Variants in IER3IP1 observed in about 807,000 individuals in gnomAD.
IER3IP1 encodes immediate early response 3 interacting protein 1.
IER3IP1 carries 16 observed loss-of-function variants against 12.2 expected under a neutral mutation model. The observed-to-expected ratio is 1.31, with a 90% CI of 0.89 to 1.99. The LOEUF (loss-of-function observed/expected upper bound fraction) is 1.99, where lower values mean the gene tolerates loss of function less well. IER3IP1 is among the 30% of genes most tolerant of loss of function. IER3IP1 has a pLI of 0.00. For synonymous variants in IER3IP1, 42 were observed against 40.0 expected (o/e 1.05, Z -0.19); for missense variants, 95 against 95.8 (o/e 0.99, Z 0.03).
intron 1 of IER3IP1, among the ~76,000 whole-genome samples, chr18:47,175,245 A>C (rs2064028574): frequency 6.6e-6 from 1 of 152,270 alleles, no homozygotes; most frequent in East Asian, 1.9e-4. Context: ...GAATTTCTAA[A>C]TTCTAGCAGA....
intron 1 of IER3IP1, among the ~76,000 whole-genome samples, chr18:47,169,267 T>C (rs1395691093): frequency 1.3e-5 from 2 of 152,262 alleles, no homozygotes; most frequent in African/African-American, 4.8e-5. Context: ...TAGTGTGTAA[T>C]AATACTTCAT....
At chr18:47,162,236 T>C (rs747392821) in intron 1 of IER3IP1, among the ~76,000 whole-genome samples, 5 of 152,132 alleles carry the variant, frequency 3.3e-5, no homozygotes, top group African/African-American at 7.2e-5. Context: ...ATACTGACAT[T>C]TGGGGGCCTC....
chr18:47,175,978 C>A (rs1383791987), intron 1 of IER3IP1, among the ~76,000 whole-genome samples: 1 of 152,182 alleles, frequency 6.6e-6, no homozygotes, highest in East Asian at 1.9e-4. Flanking sequence ...CCCCAACCCC[C>A]TGGGCCCTGC....
intron 2 of IER3IP1, among the ~76,000 whole-genome samples, chr18:47,156,578 T>TCA (rs1262253457): frequency 6.6e-6 from 1 of 152,160 alleles, no homozygotes; most frequent in Non-Finnish European, 1.5e-5. Context: ...ATTAGAAATA[T>TCA]AGTGCATAGA....
intron 2 of IER3IP1, among the ~76,000 whole-genome samples, chr18:47,156,440 G>A (rs1882807727): frequency 6.9e-6 from 1 of 144,280 alleles, no homozygotes; most frequent in African/African-American, 2.4e-5. Flanking sequence ...ATAACTGGGA[G>A]TAAGGGTTGC....
At chr18:47,156,929 C>G (rs2635041) in intron 2 of IER3IP1, 69,922 of 156,796 alleles carry the variant, frequency 0.45, 15,759 homozygotes, top group Middle Eastern at 0.56. Flanking sequence ...TCCCAAATAG[C>G]TAGGATTACA....
At chr18:47,168,143 AAAAAAAAAAAAAT>A (rs1262728581) in intron 1 of IER3IP1, among the ~76,000 whole-genome samples, 6 of 143,732 alleles carry the variant, frequency 4.2e-5, no homozygotes, top group East Asian at 2.0e-4. Flanking sequence ...AAAAAAAAAA[AAAAAAAAAAAAAT>A]TTTAGCTAGG....
At chr18:47,167,267 T>C (rs2063999074) in intron 1 of IER3IP1, among the ~76,000 whole-genome samples, 1 of 152,052 alleles carries the variant, frequency 6.6e-6, no homozygotes, top group East Asian at 1.9e-4. Context: ...GCCAGGCTGG[T>C]CTCGAACTCC....
At chr18:47,174,212 G>C (rs2064023961) in intron 1 of IER3IP1, among the ~76,000 whole-genome samples, 1 of 152,110 alleles carries the variant, frequency 6.6e-6, no homozygotes, top group Non-Finnish European at 1.5e-5. Flanking sequence ...CTTTCTACCT[G>C]TGTGTTCTTA....
chr18:47,165,310 C>T (rs781440538), intron 1 of IER3IP1, among the ~76,000 whole-genome samples: 4 of 152,090 alleles, frequency 2.6e-5, no homozygotes, highest in African/African-American at 4.8e-5. Context: ...CTCAGCACTT[C>T]GGGAGGCCAA....
At position 47,156,014 on chromosome 18, in the gene IER3IP1, T is replaced by TA. The variant is rs201064144; in HGVS notation, c.*162dup. ...TGTAATGAAACTACAAGTGCAACAT[T>TA]AAAAAAAAAAACAGATAAATAGAAA... On this transcript the variant is annotated 3_prime_UTR_variant, in exon 3 of 3. Coordinates refer to ENST00000256433, the MANE Select transcript of IER3IP1 (RefSeq NM_016097.5). 0.11 allele frequency: 49,413 copies of TA among 443,464 alleles called. 44 individuals carry two copies. Among genetic ancestry groups the TA allele is most frequent in the South Asian group, 0.14 (4,430 of 32,540 alleles). The allele number at this position is 443,464 out of a possible 1,614,324, so 27.5% of individuals were successfully genotyped here.
chr18:47,166,901 T>C (rs540283268), intron 1 of IER3IP1, among the ~76,000 whole-genome samples: 2 of 152,224 alleles, frequency 1.3e-5, no homozygotes, highest in Non-Finnish European at 2.9e-5. Flanking sequence ...CAAGCCAATG[T>C]AGTGTGTTCC....
At chr18:47,171,443 T>C (rs760755770) in intron 1 of IER3IP1, among the ~76,000 whole-genome samples, 16 of 152,238 alleles carry the variant, frequency 1.1e-4, no homozygotes, top group Admixed American at 2.6e-4. Flanking sequence ...TTGTGAGAAA[T>C]TGGTATTAAG....
chr18:47,157,941 A>G (rs968921582), intron 1 of IER3IP1, among the ~76,000 whole-genome samples: 2 of 152,246 alleles, frequency 1.3e-5, no homozygotes, highest in African/African-American at 4.8e-5. Flanking sequence ...TATAAAATCC[A>G]TCACAATCAT....
In IER3IP1 at chr18:47,176,172, C is replaced by A. The variant is rs767947028; in HGVS notation, c.91+15G>T. 6.3e-7 allele frequency: 1 copy of A among 1,578,388 alleles called. No individual in the cohort carries two copies. The highest frequency in any genetic ancestry group is 8.6e-7 in the Non-Finnish European group (1 of 1,162,262). On this transcript the variant is annotated intron_variant, in intron 1 of 2. Coordinates refer to ENST00000256433, the MANE Select transcript of IER3IP1 (RefSeq NM_016097.5). ...TCCGCCGCCGCCCCAGCCCGCGCCC[C>A]GCGGTCCCACTCACTGTTCTTGAGG...
intron 1 of IER3IP1, among the ~76,000 whole-genome samples, chr18:47,168,902 G>A (rs1480616929): frequency 6.6e-6 from 1 of 152,128 alleles, no homozygotes; most frequent in Non-Finnish European, 1.5e-5. Flanking sequence ...AGGTAAGAAT[G>A]TGTAATTCAA....
intron 1 of IER3IP1, among the ~76,000 whole-genome samples, chr18:47,174,019 A>G (rs536134048): frequency 3.9e-5 from 6 of 152,350 alleles, no homozygotes; most frequent in African/African-American, 1.2e-4. Context: ...TAACTTGATT[A>G]TATCTGCAAA....
At chr18:47,157,319 T>C in intron 2 of IER3IP1, 117 bp downstream of exon 2, 1 of 823,834 alleles carries the variant, frequency 1.2e-6, no homozygotes, top group Non-Finnish European at 2.0e-6. Flanking sequence ...CAAAGCCATG[T>C]TAAAGAGAAA....
intron 1 of IER3IP1, among the ~76,000 whole-genome samples, chr18:47,167,806 T>C (rs1016451343): frequency 5.3e-5 from 8 of 152,138 alleles, no homozygotes; most frequent in African/African-American, 1.7e-4. Context: ...TCTGAAACAA[T>C]GTTAGACACA....
Sources: allele counts gnomAD v4.1 joint callset (sites outside exome capture counted in the v4.1 genomes callset), GRCh38; gene constraint gnomAD v4.1.1; transcripts MANE v1.5; gene names NCBI Gene and HGNC (gene_info 2026-07-23, HGNC 2026-07-21).